Variants in NPSR1 observed in about 807,000 individuals in gnomAD.
The protein encoded by NPSR1 is neuropeptide S receptor.
NPSR1 carries 48 observed loss-of-function variants against 46.9 expected under a neutral mutation model. The observed-to-expected ratio is 1.02, with a 90% CI of 0.81 to 1.30. The LOEUF (loss-of-function observed/expected upper bound fraction) is 1.30, where lower values mean the gene tolerates loss of function less well. NPSR1 is among the 50% of genes most tolerant of loss of function. The pLI, the probability that NPSR1 is intolerant of heterozygous loss-of-function variation, is 0.00. For missense variants in NPSR1, 450 were observed against 449.5 expected (o/e 1.00, Z -0.01); for synonymous variants, 176 against 168.1 (o/e 1.05, Z -0.36).
At chr7:34,829,858 A>G (rs35878152) in intron 5 of NPSR1, among the ~76,000 whole-genome samples, 37,427 of 152,148 alleles carry the variant, frequency 0.25, 4,837 homozygotes, top group South Asian at 0.37. Context: ...AAGCCTCTGG[A>G]AGGCCAGATC....
At chr7:34,819,206 TCAAA>T (rs1415093072) in intron 4 of NPSR1, among the ~76,000 whole-genome samples, 12 of 151,728 alleles carry the variant, frequency 7.9e-5, no homozygotes, top group Non-Finnish European at 1.0e-4. Context: ...TACAAAGAAC[TCAAA>T]CAAATTTACA....
chr7:34,845,666 G>T (rs1790714894), intron 7 of NPSR1: 2 of 439,732 alleles, frequency 4.5e-6, no homozygotes, highest in African/African-American at 2.1e-5. Flanking sequence ...CACACTACAG[G>T]ATATAGATTG....
chr7:34,690,527 T>C (rs563898294), intron 2 of NPSR1, among the ~76,000 whole-genome samples: 7 of 152,112 alleles, frequency 4.6e-5, no homozygotes, highest in South Asian at 4.2e-4. Flanking sequence ...CAAGAAGAGA[T>C]AGATACCACT....
chr7:34,691,007 T>A (rs978090921), intron 2 of NPSR1, among the ~76,000 whole-genome samples: 2 of 152,130 alleles, frequency 1.3e-5, no homozygotes, highest in Non-Finnish European at 2.9e-5. Context: ...AAAGGAAATT[T>A]CATAAGACTA....
intron 2 of NPSR1, chr7:34,758,065 G>A (rs1336416880): frequency 6.6e-6 from 1 of 152,642 alleles, no homozygotes; most frequent in African/African-American, 2.4e-5. Context: ...ACTTGGGTGA[G>A]TTACTCACCA....
At chr7:34,692,902 C>T (rs1562655816) in intron 2 of NPSR1, among the ~76,000 whole-genome samples, 1 of 152,168 alleles carries the variant, frequency 6.6e-6, no homozygotes, top group Non-Finnish European at 1.5e-5. Flanking sequence ...GTGTCCTAGA[C>T]CAAATCGCAT....
At chr7:34,710,745 C>G in intron 2 of NPSR1, 1 of 399,078 alleles carries the variant, frequency 2.5e-6, no homozygotes. Context: ...TAAGCATCAA[C>G]TGCAAGAATA....
chr7:34,850,119 T>A, downstream of NPSR1: 1 of 437,290 alleles, frequency 2.3e-6, no homozygotes, highest in Non-Finnish European at 3.0e-6. Context: ...AAGAAAGTGT[T>A]TGTCCTTGAA....
intron 8 of NPSR1, among the ~76,000 whole-genome samples, chr7:34,869,438 AT>A (rs1791397988): frequency 6.6e-6 from 1 of 151,684 alleles, no homozygotes; most frequent in African/African-American, 2.4e-5. Context: ...ATCAGACATA[AT>A]GAACTACTGC....
At chr7:34,876,851 C>G (rs1791587143) in intron 8 of NPSR1, among the ~76,000 whole-genome samples, 2 of 152,274 alleles carry the variant, frequency 1.3e-5, no homozygotes, top group Non-Finnish European at 2.9e-5. Flanking sequence ...GAGAAATGCT[C>G]TGACAGCAGA....
At chr7:34,683,584 A>G (rs1043682160) in intron 1 of NPSR1, among the ~76,000 whole-genome samples, 2 of 152,204 alleles carry the variant, frequency 1.3e-5, no homozygotes. Context: ...TAATTTATAA[A>G]GAAAAGTAAT....
intron 2 of NPSR1, among the ~76,000 whole-genome samples, chr7:34,699,878 G>A (rs1326512234): frequency 1.3e-5 from 2 of 152,166 alleles, no homozygotes. Context: ...AAAAGGTGGG[G>A]TGGGGAGATA....
At chr7:34,791,044 ATATATGT>A (rs1363913525) in intron 3 of NPSR1, among the ~76,000 whole-genome samples, 4 of 112,354 alleles carry the variant, frequency 3.6e-5, no homozygotes, top group South Asian at 2.4e-4. Context: ...ATATTATATT[ATATATGT>A]TATATGTTAT....
chr7:34,787,843 C>A (rs761595036), intron 3 of NPSR1, among the ~76,000 whole-genome samples: 3 of 151,964 alleles, frequency 2.0e-5, no homozygotes, highest in Non-Finnish European at 4.4e-5. Flanking sequence ...AAAACAATTA[C>A]AATAGTATCA....
At position 34,870,891 on chromosome 7, in the gene NPSR1, GATGGATGGATGA is replaced by G. The variant is rs1218816964; in HGVS notation, c.1026-7173_1026-7162del. Among the ~76,000 whole-genome samples, 56 of 150,640 alleles carry G rather than the reference GATGGATGGATGA, an allele frequency of 3.7e-4. 1 individual carries two copies. Among genetic ancestry groups the G allele is most frequent in the African/African-American group, 1.2e-3 (48 of 40,280 alleles). On this transcript the variant is annotated intron_variant, in intron 8 of 8. Coordinates refer to the NPSR1 transcript ENST00000359791. ...ACATGGATGGATGGATGGATGGATG[GATGGATGGATGA>G]ATGGATGGATGGATAGATGGATGGA...
chr7:34,841,449 C>T (rs1252002930), intron 6 of NPSR1, among the ~76,000 whole-genome samples: 1 of 152,268 alleles, frequency 6.6e-6, no homozygotes, highest in Non-Finnish European at 1.5e-5. Flanking sequence ...CAGTGTGCTT[C>T]TCCCAGTCCC....
At chr7:34,689,302 C>T (rs1437790698) in intron 2 of NPSR1, among the ~76,000 whole-genome samples, 2 of 152,144 alleles carry the variant, frequency 1.3e-5, no homozygotes, top group Non-Finnish European at 2.9e-5. Context: ...GGTTGAACTG[C>T]ACAATACAAT....
chr7:34,703,281 G>A (rs1266148333), intron 2 of NPSR1, among the ~76,000 whole-genome samples: 1 of 152,250 alleles, frequency 6.6e-6, no homozygotes, highest in African/African-American at 2.4e-5. Flanking sequence ...TGAGGCGGGA[G>A]AATGGCGTGA....
intron 2 of NPSR1, among the ~76,000 whole-genome samples, chr7:34,720,176 A>T (rs1288166542): frequency 6.6e-6 from 1 of 151,654 alleles, no homozygotes; most frequent in Non-Finnish European, 1.5e-5. Flanking sequence ...GGTACTGAAG[A>T]GGCTGAGGGA....
Sources: allele counts gnomAD v4.1 joint callset (sites outside exome capture counted in the v4.1 genomes callset), GRCh38; gene constraint gnomAD v4.1.1; transcripts MANE v1.5; gene names NCBI Gene and HGNC (gene_info 2026-07-23, HGNC 2026-07-21).